The following PCDHGA1 variants were observed in gnomAD, a reference collection of about 807,000 sequenced individuals.
PCDHGA1 encodes the protein protocadherin gamma-A1.
A neutral mutation model predicts 58.0 loss-of-function variants in PCDHGA1; 32 were observed. The observed-to-expected ratio is 0.55, with a 90% CI of 0.42 to 0.74. The LOEUF is 0.74. Among genes scored for constraint, PCDHGA1 ranks in the 30% least tolerant of loss-of-function variants. The pLI is 0.00. For missense variants in PCDHGA1, 1,205 were observed against 1,182.3 expected, an observed-to-expected ratio of 1.02 and a Z score of -0.28; for synonymous variants, 498 against 501.1, an observed-to-expected ratio of 0.99 and a Z score of 0.08.
intron 1 of PCDHGA1, chr5:141,360,424 G>C (rs1561520496): frequency 1.2e-6 from 2 of 1,613,958 alleles, no homozygotes; most frequent in East Asian, 2.2e-5. Context: ...ACAGATATGC[G>C]GGAAGCAGCC....
At chr5:141,483,637 G>A (rs1365525499) in intron 1 of PCDHGA1, among the ~76,000 whole-genome samples, 1 of 145,878 alleles carries the variant, frequency 6.9e-6, no homozygotes, top group South Asian at 2.1e-4. Flanking sequence ...AAGGTATAGA[G>A]GGGTGTGTGT....
At chr5:141,484,790 A>T (rs1562101198) in intron 1 of PCDHGA1, among the ~76,000 whole-genome samples, 1 of 152,076 alleles carries the variant, frequency 6.6e-6, no homozygotes, top group Admixed American at 6.6e-5. Flanking sequence ...CACAGAGATA[A>T]CAACCCGTGG....
At position 141,422,501 on chromosome 5, in the gene PCDHGA1, C is replaced by T. The variant is rs1343881573; in HGVS notation, c.2422-72306C>T. On this transcript the variant is annotated intron_variant, in intron 1 of 3. Coordinates refer to ENST00000517417, the MANE Select transcript of PCDHGA1 (RefSeq NM_018912.3). ...CAGAGCTACAATATAACGTTGACAGCCACAGACCAGGGAAGCCCGCCTTTG... is the reference window on the plus strand; with the variant it reads ...CAGAGCTACAATATAACGTTGACAGTCACAGACCAGGGAAGCCCGCCTTTG... 9.3e-6 allele frequency: 15 copies of T among 1,613,810 alleles called. No individual in the cohort carries two copies. The highest frequency in any genetic ancestry group is 1.3e-5 in the Non-Finnish European group (15 of 1,179,872).
intron 1 of PCDHGA1, chr5:141,418,575 C>T (rs2154547779): frequency 6.2e-7 from 1 of 1,614,018 alleles, no homozygotes; most frequent in East Asian, 2.2e-5. Context: ...AATGACAACC[C>T]CCCAGTGTTC....
In PCDHGA1 at chr5:141,388,268, C is replaced by A; in HGVS notation, c.2421+55163C>A. On this transcript the variant is annotated intron_variant, in intron 1 of 3. Coordinates refer to ENST00000517417, the MANE Select transcript of PCDHGA1 (RefSeq NM_018912.3). ...ATGTGGAGATCGAGGACATTAATGA[C>A]CACACGCCAAAATTCACGCAAAATT... The A allele has an allele frequency of 1.3e-6, 2 of 1,594,084 alleles. No homozygotes were observed. Among genetic ancestry groups the A allele is most frequent in the African/African-American group, 2.9e-5 (2 of 68,850 alleles).
chr5:141,344,277 G>A (rs749119321), intron 1 of PCDHGA1: 5 of 1,614,090 alleles, frequency 3.1e-6, no homozygotes, highest in Non-Finnish European at 3.4e-6. Flanking sequence ...TCCGCAAAGC[G>A]GCAGCTTGGT....
At chr5:141,509,758 C>T (rs574741134) in intron 3 of PCDHGA1, among the ~76,000 whole-genome samples, 17 of 152,202 alleles carry the variant, frequency 1.1e-4, no homozygotes. Flanking sequence ...CTAAAGTGTC[C>T]CTGAGATGTC....
chr5:141,404,835 C>T, intron 1 of PCDHGA1: 1 of 1,613,920 alleles, frequency 6.2e-7, no homozygotes, highest in Non-Finnish European at 8.5e-7. Context: ...GAAGTGCGCA[C>T]AGCTCGGGCC....
chr5:141,375,058 A>C (rs1346702145), intron 1 of PCDHGA1: 3 of 1,614,066 alleles, frequency 1.9e-6, no homozygotes, highest in Non-Finnish European at 2.5e-6. Context: ...GGGATGGGCC[A>C]GGTCTTCGAG....
chr5:141,400,566 A>G (rs754437274), intron 1 of PCDHGA1: 94 of 1,612,572 alleles, frequency 5.8e-5, no homozygotes, highest in Non-Finnish European at 7.7e-5. Flanking sequence ...TACCCACCCA[A>G]TTTTCTGTAT....
chr5:141,404,995 T>G (rs1561697585), intron 1 of PCDHGA1: 1 of 1,614,008 alleles, frequency 6.2e-7, no homozygotes, highest in Non-Finnish European at 8.5e-7. Flanking sequence ...TTCAGATCCC[T>G]GCAGACCTGG....
At chr5:141,357,792 C>T in intron 1 of PCDHGA1, 3 of 822,618 alleles carry the variant, frequency 3.6e-6, no homozygotes, top group Non-Finnish European at 5.6e-6. Context: ...GTATTTACCA[C>T]ACAAAAATGT....
intron 1 of PCDHGA1, chr5:141,417,066 T>C (rs1373522268): frequency 6.6e-6 from 1 of 152,110 alleles, no homozygotes; most frequent in Non-Finnish European, 1.5e-5. Context: ...ACATTGTAGC[T>C]ATTGTGAGAA....
intron 1 of PCDHGA1, chr5:141,342,617 T>G (rs1757186654): frequency 6.6e-6 from 1 of 152,206 alleles, no homozygotes; most frequent in Admixed American, 6.5e-5. Context: ...TGGAACTCAC[T>G]GTGGAATAAT....
At chr5:141,366,444 T>C (rs1255938272) in intron 1 of PCDHGA1, 2 of 1,614,214 alleles carry the variant, frequency 1.2e-6, no homozygotes, top group Non-Finnish European at 1.7e-6. Flanking sequence ...TGCGTCTTCC[T>C]GGCCTTCGTC....
intron 1 of PCDHGA1, chr5:141,407,920 C>T: frequency 2.1e-6 from 1 of 475,788 alleles, no homozygotes; most frequent in Non-Finnish European, 3.6e-6. Context: ...GCTGCTGTCC[C>T]GCACGGAGCC....
chr5:141,346,420 A>T, intron 1 of PCDHGA1: 3 of 1,614,196 alleles, frequency 1.9e-6, no homozygotes, highest in Non-Finnish European at 2.5e-6. Context: ...ATAACTCAGG[A>T]TTTACTTGAA....
At position 141,473,122 on chromosome 5, in the gene PCDHGA1, T is replaced by C. The variant is rs533113606; in HGVS notation, c.2422-21685T>C. On this transcript the variant is annotated intron_variant, in intron 1 of 3. Coordinates refer to ENST00000517417, the MANE Select transcript of PCDHGA1 (RefSeq NM_018912.3). ...TATTACCACACTTTACTTGGCTCTT[T>C]GGCAAACTATATTATCTCTTCAGAT... Among the ~76,000 whole-genome samples, 3 of 152,362 alleles carry C rather than the reference T, an allele frequency of 2.0e-5. No homozygotes were observed. In the East Asian group the frequency reaches 5.8e-4, roughly 29 times the overall value.
chr5:141,432,506 G>A lies in PCDHGA1; in HGVS notation c.2422-62301G>A. 3 of 1,614,140 alleles carry A rather than the reference G, an allele frequency of 1.9e-6. No homozygotes were observed. Among genetic ancestry groups the A allele is most frequent in the Non-Finnish European group, 2.5e-6 (3 of 1,180,036 alleles). On this transcript the variant is annotated intron_variant, in intron 1 of 3. Transcript: ENST00000517417. This position sits in a 1 kb window ranked among gnomAD's most constrained non-coding sequence, Gnocchi z 6.0. ...CGTGGAGCTGGCTCCCCGCTCCGCA[G>A]AGCCCGGCTACCTGGTGACCAAGGT... is the stretch of plus-strand genomic sequence containing the variant.
Sources: allele counts gnomAD v4.1 joint callset (sites outside exome capture counted in the v4.1 genomes callset), GRCh38; gene constraint gnomAD v4.1.1; non-coding constraint Gnocchi (gnomAD v3.1); transcripts MANE v1.5; gene names NCBI Gene and HGNC (gene_info 2026-07-23, HGNC 2026-07-21).